The following NOX5 variants were observed in gnomAD, a reference collection of about 807,000 sequenced individuals.
NOX5 encodes NADPH oxidase 5, also known as NADPH oxidase, EF-hand calcium binding domain 5.
A neutral mutation model predicts 85.7 loss-of-function variants in NOX5; 76 were observed. The observed-to-expected ratio is 0.89, with a 90% CI of 0.74 to 1.07. The LOEUF (loss-of-function observed/expected upper bound fraction) is 1.07. Among genes scored for constraint, NOX5 ranks in the 50% least tolerant of loss-of-function variants. The pLI is 0.00. For synonymous variants in NOX5, 405 were observed against 401.4 expected (o/e 1.01, Z -0.11); for missense variants, 973 against 999.5 (o/e 0.97, Z 0.36).
At position 69,061,161 on chromosome 15, in the gene NOX5, G is replaced by C. The variant is rs1220312584; in HGVS notation, c.*4465G>C. The C allele has an allele frequency of 6.6e-6, 1 of 152,222 alleles. No individual in the cohort carries two copies. The highest frequency in any genetic ancestry group is 1.5e-5 in the Non-Finnish European group (1 of 68,042). The allele number at this position is 152,222 out of a possible 1,614,324, so 9.4% of individuals were successfully genotyped here. On this transcript the variant is annotated 3_prime_UTR_variant, in exon 16 of 16. Coordinates refer to ENST00000388866, the MANE Select transcript of NOX5 (RefSeq NM_024505.4). ...TTTTTTAAGAGTAAAACAAAATGCA[G>C]AGATTATCTGCAGTGTTGTCTAAGA... is the stretch of plus-strand genomic sequence containing the variant.
rs919805036 is a variant in NOX5 at position 69,051,483 on chromosome 15, G to A, written c.1999+2425G>A. Reference sequence around the variant, plus strand: ...CCACCTCTGCCTCCCGGGCTCAAGCGATCCTCCCATCTCAGCCTGCTAAGT... The same window carrying A: ...CCACCTCTGCCTCCCGGGCTCAAGCAATCCTCCCATCTCAGCCTGCTAAGT... On this transcript the variant is annotated intron_variant, in intron 14 of 15. Transcript: ENST00000388866. 2.6e-5 allele frequency among the ~76,000 whole-genome samples: 4 copies of A among 151,958 alleles called. No individual in the cohort carries two copies. The South Asian group carries it at 8.3e-4, about 32-fold the overall frequency.
Position 69,033,036 on chromosome 15 carries a change from C to T in NOX5, c.621-7C>T, listed in dbSNP as rs34513320. 1,011 of 1,551,712 alleles carry T rather than the reference C, an allele frequency of 6.5e-4. 3 individuals are homozygous for T. In the African/African-American group the frequency reaches 0.013, roughly 20 times the overall value. On this transcript the variant is annotated splice_polypyrimidine_tract_variant and splice_region_variant and intron_variant, in intron 4 of 15. Transcript: ENST00000388866. ...TCGCCTCTGAGCGGAACCCGCCTCT[C>T]TCGCAGCGCTGCCCACTGGCTGACG...
intron 1 of NOX5, 53 bp downstream of exon 1, chr15:69,014,838 A>ATTAT (rs2050212398): frequency 7.6e-7 from 1 of 1,317,222 alleles, no homozygotes; most frequent in African/African-American, 1.5e-5. Context: ...GAAAGGTGGG[A>ATTAT]TTATTTGCCT....
At position 69,037,050 on chromosome 15, in the gene NOX5, C is replaced by T. The variant is rs148060387; in HGVS notation, c.1211C>T (p.Ser404Phe). 386 of 1,613,684 alleles carry T rather than the reference C, an allele frequency of 2.4e-4. No homozygotes were observed. The highest frequency in any genetic ancestry group is 3.0e-4 in the Non-Finnish European group (357 of 1,179,958). ...TAGGTGTTCTATTGGACTCACCTGT[C>T]CTACCTCCTCGTGTGGCTTCTGCTC... is the stretch of plus-strand genomic sequence containing the variant. ...HFEVFYWTHL[S>F]YLLVWLLLIF... Residue 404 changes from serine to phenylalanine, a missense_variant, in exon 8 of 16, where the codon TCC becomes TTC. Ser to Phe is a radical substitution (Grantham distance 155, BLOSUM62 -2). Transcript: ENST00000388866.
rs756485871 is a variant in NOX5, at chr15:69,037,162, C to G, written c.1323C>G (p.Ser441=). 1.2e-6 allele frequency: 2 copies of G among 1,613,846 alleles called. No homozygotes were observed. Among genetic ancestry groups the G allele is most frequent in the African/African-American group, 2.7e-5 (2 of 74,878 alleles). The part of the protein sequence containing the change: ...FLEKAIGLAV[S]RMAAVCIMEV... The stretch of plus-strand genomic sequence containing the variant: ...AGAAGGCCATCGGACTGGCAGTGTC[C>G]CGCATGGCAGCCGTGTGCATCATGG... The change falls in exon 8 of 16, where the codon TCC becomes TCG. Residue 441 remains serine (S), a synonymous_variant. Coordinates refer to ENST00000388866, the MANE Select transcript of NOX5 (RefSeq NM_024505.4).
intron 8 of NOX5, 62 bp from the exon 9 acceptor site, chr15:69,038,795 C>A (rs765564624): frequency 5.0e-6 from 8 of 1,613,298 alleles, no homozygotes; most frequent in Non-Finnish European, 6.8e-6. Flanking sequence ...GCCCTCTTGT[C>A]CTGTAGCCCC....
chr15:69,018,301 C>T (rs947387405), intron 1 of NOX5, among the ~76,000 whole-genome samples: 7 of 151,984 alleles, frequency 4.6e-5, no homozygotes, highest in African/African-American at 1.5e-4. Context: ...AGGCAGCTGG[C>T]GGAGTTGGTG....
In NOX5 at chr15:69,056,601, G is replaced by A. The variant is rs2050814556; in HGVS notation, c.2203G>A (p.Val735Met). 6.2e-7 allele frequency: 1 copy of A among 1,613,736 alleles called. No individual in the cohort carries two copies. Among genetic ancestry groups the A allele is most frequent in the Non-Finnish European group, 8.5e-7 (1 of 1,180,022 alleles). The change falls in exon 16 of 16, where the codon GTG becomes ATG. Residue 735 changes from valine (V) to methionine (M), a missense_variant. Val to Met is a conservative substitution (Grantham distance 21). Transcript: ENST00000388866. ...AGTGGCTGCTGAGAAGAAGGGCAAG[G>A]TGCAGGTCTTCTTCTGTGGCTCCCC... Reference protein sequence around the residue: ...QKVAAEKKGKVQVFFCGSPAL... With the variant: ...QKVAAEKKGKMQVFFCGSPAL...
Position 69,047,525 on chromosome 15 carries a change from G to A in NOX5, c.1805G>A (p.Ser602Asn). ...ACCCCCTTTGCTTCCATTCTGCAGA[G>A]TATCATGTACAGGTGGGTGAACAGT... ...GITPFASILQSIMYRHQKRKH... is the reference protein window; with the variant it reads ...GITPFASILQNIMYRHQKRKH... The change falls in exon 12 of 16, where the codon AGT (serine) becomes AAT (asparagine). Residue 602 changes from serine to asparagine, a missense_variant. By Grantham distance (46) the Ser-to-Asn change is conservative (BLOSUM62 1). Coordinates refer to ENST00000388866, the MANE Select transcript of NOX5 (RefSeq NM_024505.4). 6.2e-7 allele frequency: 1 copy of A among 1,613,874 alleles called. No individual in the cohort carries two copies. Among genetic ancestry groups the A allele is most frequent in the African/African-American group, 1.3e-5 (1 of 75,028 alleles).
At chr15:69,051,885 G>A (rs1175786644) in intron 14 of NOX5, among the ~76,000 whole-genome samples, 2 of 151,366 alleles carry the variant, frequency 1.3e-5, no homozygotes, top group East Asian at 3.9e-4. Context: ...CATACATGAA[G>A]TCATTAACTG....
Position 69,035,493 on chromosome 15 carries a change from A to G in NOX5, c.995A>G (p.His332Arg). 6 of 1,614,120 alleles carry G rather than the reference A, an allele frequency of 3.7e-6. No homozygotes were observed. Among genetic ancestry groups the G allele is most frequent in the Non-Finnish European group, 5.1e-6 (6 of 1,179,998 alleles). Reference sequence around the variant, plus strand: ...CTGTCCCTCGTGCACACCGTGGCTCACACTGTGAACTTTGGTGAGTGATCT... The same window carrying G: ...CTGTCCCTCGTGCACACCGTGGCTCGCACTGTGAACTTTGGTGAGTGATCT... ...VGLSLVHTVA[H>R]TVNFVLQAQA... is the part of the protein sequence containing the mutation. Residue 332 changes from histidine (H) to arginine (R), a missense_variant, in exon 6 of 16, where the codon CAC (histidine) becomes CGC (arginine). Physicochemically the swap from His to Arg is conservative, Grantham distance 29 (BLOSUM62 0). Coordinates refer to ENST00000388866, the MANE Select transcript of NOX5 (RefSeq NM_024505.4).
At position 69,062,427 on chromosome 15, in the gene NOX5, C is replaced by T. The variant is rs1000033058; in HGVS notation, c.*5731C>T. ...CTCTCCTATTATAGCCATCAAACTC[C>T]TGAGTCTGCTACACAAGGCCCCCCC... On this transcript the variant is annotated 3_prime_UTR_variant, in exon 16 of 16. Coordinates refer to ENST00000388866, the MANE Select transcript of NOX5 (RefSeq NM_024505.4). 2.0e-5 allele frequency: 3 copies of T among 152,168 alleles called. No individual in the cohort carries two copies. Among genetic ancestry groups the T allele is most frequent in the Non-Finnish European group, 4.4e-5 (3 of 68,128 alleles). The allele number at this position is 152,168 out of a possible 1,614,324, so 9.4% of individuals were successfully genotyped here.
chr15:69,030,302 G>A (rs2050412459), intron 3 of NOX5: 1 of 152,236 alleles, frequency 6.6e-6, no homozygotes, highest in African/African-American at 2.4e-5. Flanking sequence ...CCATCAAAGT[G>A]TGTTGAGCAA....
At chr15:69,028,153 C>T (rs1390007402) in intron 2 of NOX5, 62 bp from the exon 3 acceptor site, 14 of 1,512,116 alleles carry the variant, frequency 9.3e-6, no homozygotes, top group Non-Finnish European at 1.2e-5. Flanking sequence ...AGACAGTGAA[C>T]AAATTCAAAG....
chr15:69,051,618 A>C (rs1358644025), intron 14 of NOX5, among the ~76,000 whole-genome samples: 1 of 152,050 alleles, frequency 6.6e-6, no homozygotes, highest in Non-Finnish European at 1.5e-5. Context: ...CAAGTGATCT[A>C]CCAGCTTTGG....
At chr15:69,047,361 G>T in intron 11 of NOX5, 52 bp from the exon 12 acceptor site, 3 of 1,503,150 alleles carry the variant, frequency 2.0e-6, no homozygotes, top group Non-Finnish European at 2.7e-6. Context: ...TGGTAGCAGG[G>T]GAGACCAGCG....
At chr15:69,043,924 G>A (rs917872197) in intron 10 of NOX5, among the ~76,000 whole-genome samples, 5 of 152,128 alleles carry the variant, frequency 3.3e-5, no homozygotes, top group Middle Eastern at 3.2e-3. Flanking sequence ...GGTGGCTCAC[G>A]CCTGTAATCC....
intron 1 of NOX5, among the ~76,000 whole-genome samples, chr15:69,026,175 A>C (rs2050355356): frequency 6.6e-6 from 1 of 152,214 alleles, no homozygotes. Context: ...GATCTGTGTA[A>C]AGGCAAGATG....
intron 1 of NOX5, among the ~76,000 whole-genome samples, chr15:69,024,744 T>C (rs1198038247): frequency 6.6e-6 from 1 of 152,170 alleles, no homozygotes; most frequent in African/African-American, 2.4e-5. Context: ...GGTTTGCTAC[T>C]ATTTGCAGTT....
Sources: allele counts gnomAD v4.1 joint callset (sites outside exome capture counted in the v4.1 genomes callset), GRCh38; gene constraint gnomAD v4.1.1; transcripts MANE v1.5; gene names NCBI Gene and HGNC (gene_info 2026-07-23, HGNC 2026-07-21).